Variants in GRM7 observed in about 807,000 individuals in gnomAD.
GRM7 encodes metabotropic glutamate receptor 7.
Under a neutral mutation model 84.5 loss-of-function variants are expected in GRM7, and 35 were observed. That is an observed-to-expected ratio of 0.41 (90% CI 0.32 to 0.55). The LOEUF (loss-of-function observed/expected upper bound fraction) is 0.55, where lower values mean the gene tolerates loss of function less well. GRM7 is among the 20% of genes least tolerant of loss of function. GRM7 has a pLI of 0.19. For missense variants in GRM7, 1,003 were observed against 1,194.6 expected (o/e 0.84, Z 2.36); for synonymous variants, 487 against 455.1 (o/e 1.07, Z -0.89).
At chr3:7,650,976 C>T (rs1698908920) in intron 8 of GRM7, among the ~76,000 whole-genome samples, 1 of 152,194 alleles carries the variant, frequency 6.6e-6, no homozygotes, top group Admixed American at 6.5e-5. Context: ...CCTGATCCTA[C>T]CCCCAAACCC....
chr3:7,530,938 C>A (rs1701014711), intron 7 of GRM7, among the ~76,000 whole-genome samples: 1 of 152,072 alleles, frequency 6.6e-6, no homozygotes, highest in Admixed American at 6.5e-5. Flanking sequence ...TGTGTAGAAG[C>A]CCTTTAGTTT....
At chr3:7,497,121 T>C (rs1699734612) in intron 7 of GRM7, among the ~76,000 whole-genome samples, 3 of 144,564 alleles carry the variant, frequency 2.1e-5, no homozygotes, top group Non-Finnish European at 4.7e-5. Context: ...ATGTCTAGCA[T>C]GGTCATGAAG....
chr3:6,920,986 T>C (rs1468189708), intron 1 of GRM7, among the ~76,000 whole-genome samples: 1 of 152,088 alleles, frequency 6.6e-6, no homozygotes, highest in Non-Finnish European at 1.5e-5. Flanking sequence ...AAGAGGCAAA[T>C]AATTTTAAAA....
At chr3:7,066,742 A>C (rs1382438750) in intron 1 of GRM7, among the ~76,000 whole-genome samples, 2 of 152,002 alleles carry the variant, frequency 1.3e-5, no homozygotes, top group Admixed American at 6.6e-5. Context: ...ACAGACTGAT[A>C]TCCTCAGTGA....
intron 2 of GRM7, among the ~76,000 whole-genome samples, chr3:7,163,176 C>T (rs1432925198): frequency 1.3e-5 from 2 of 152,186 alleles, no homozygotes; most frequent in Non-Finnish European, 2.9e-5. Context: ...AGACTCAGGC[C>T]TGTCTCACAC....
intron 1 of GRM7, among the ~76,000 whole-genome samples, chr3:6,931,609 C>T (rs1006271706): frequency 1.6e-4 from 24 of 152,294 alleles, no homozygotes; most frequent in African/African-American, 5.3e-4. Flanking sequence ...AAGGCTCTAC[C>T]TTATTTACTC....
chr3:7,331,226 G>A (rs982393954), intron 4 of GRM7, among the ~76,000 whole-genome samples: 1 of 152,036 alleles, frequency 6.6e-6, no homozygotes, highest in African/African-American at 2.4e-5. Context: ...AATGAATAAA[G>A]AGGAGGCATG....
intron 4 of GRM7, among the ~76,000 whole-genome samples, chr3:7,411,465 C>A (rs1274747295): frequency 2.0e-5 from 3 of 152,164 alleles, no homozygotes. Flanking sequence ...CTCTCTTGTA[C>A]CACCAGAAAT....
At chr3:7,071,736 T>C (rs1418852421) in intron 1 of GRM7, among the ~76,000 whole-genome samples, 1 of 152,108 alleles carries the variant, frequency 6.6e-6, no homozygotes, top group Non-Finnish European at 1.5e-5. Context: ...TTCTTGACAA[T>C]CACTGGATTA....
intron 1 of GRM7, among the ~76,000 whole-genome samples, chr3:7,055,605 C>T (rs1697192517): frequency 6.6e-6 from 1 of 151,490 alleles, no homozygotes; most frequent in Non-Finnish European, 1.5e-5. Flanking sequence ...ACTGCAACCT[C>T]CACCTCCCTG....
At chr3:7,194,252 C>T (rs753146113) in intron 2 of GRM7, among the ~76,000 whole-genome samples, 2 of 152,074 alleles carry the variant, frequency 1.3e-5, no homozygotes, top group Non-Finnish European at 2.9e-5. Flanking sequence ...TTTGCTGATC[C>T]AAGACAAGGT....
intron 4 of GRM7, among the ~76,000 whole-genome samples, chr3:7,364,145 T>A (rs1472460622): frequency 2.6e-5 from 4 of 151,970 alleles, no homozygotes; most frequent in African/African-American, 9.7e-5. Context: ...TTTTGTTTTA[T>A]TCCTCTATAT....
intron 7 of GRM7, among the ~76,000 whole-genome samples, chr3:7,529,867 TG>T (rs1700960926): frequency 6.8e-6 from 1 of 147,180 alleles, no homozygotes; most frequent in Non-Finnish European, 1.5e-5. Flanking sequence ...TTGTTGTTGT[TG>T]TTGTTGTTTT....
At chr3:7,501,664 C>T (rs1699887558) in intron 7 of GRM7, among the ~76,000 whole-genome samples, 1 of 152,316 alleles carries the variant, frequency 6.6e-6, no homozygotes, top group East Asian at 1.9e-4. Flanking sequence ...GTACTTATTT[C>T]TTTGCTGCAC....
intron 7 of GRM7, among the ~76,000 whole-genome samples, chr3:7,488,758 C>T (rs897717847): frequency 1.3e-5 from 2 of 152,140 alleles, no homozygotes; most frequent in African/African-American, 2.4e-5. Context: ...AGCTGACTAA[C>T]TCAGTGTTAT....
At chr3:7,536,611 A>G (rs1701253506) in intron 7 of GRM7, among the ~76,000 whole-genome samples, 1 of 152,214 alleles carries the variant, frequency 6.6e-6, no homozygotes, top group Admixed American at 6.5e-5. Context: ...TATGACAGAC[A>G]GCATGACTTC....
intron 4 of GRM7, among the ~76,000 whole-genome samples, chr3:7,342,854 T>A (rs73113733): frequency 0.042 from 6,338 of 152,238 alleles, 295 homozygotes; most frequent in African/African-American, 0.12. Flanking sequence ...ACCACCTATG[T>A]GGTCTGTAGC....
At chr3:7,362,512 G>T (rs1212855016) in intron 4 of GRM7, among the ~76,000 whole-genome samples, 3 of 151,802 alleles carry the variant, frequency 2.0e-5, no homozygotes, top group Non-Finnish European at 2.9e-5. Context: ...CCCACAGCTA[G>T]TTATTTTAAG....
chr3:7,123,696 G>A (rs1229461545), intron 1 of GRM7, among the ~76,000 whole-genome samples: 1 of 152,050 alleles, frequency 6.6e-6, no homozygotes, highest in Non-Finnish European at 1.5e-5. Context: ...CTCACTCCCT[G>A]CTTACTCCAA....
Sources: gnomAD v4.1 joint callset for allele counts (sites outside exome capture counted in the v4.1 genomes callset) on GRCh38, gnomAD v4.1.1 for gene constraint, MANE v1.5 for transcripts, NCBI Gene and HGNC (gene_info 2026-07-23, HGNC 2026-07-21) for gene names.